Variants in WDFY3 observed in about 807,000 individuals in gnomAD.
WDFY3 encodes the protein WD repeat and FYVE domain containing 3.
WDFY3 carries 66 observed loss-of-function variants against 409.6 expected under a neutral mutation model. The observed-to-expected ratio is 0.16, with a 90% CI of 0.13 to 0.20. The LOEUF (loss-of-function observed/expected upper bound fraction) is 0.20, where lower values mean the gene tolerates loss of function less well. Ranked by LOEUF, WDFY3 falls within the 10% of genes least tolerant of loss-of-function variation. WDFY3 has a pLI of 1.00. For synonymous variants in WDFY3, 1,521 were observed against 1,537.1 expected (o/e 0.99, Z 0.25); for missense variants, 3,031 against 4,298.1 (o/e 0.71, Z 8.24).
At chr4:84,903,433 C>T (rs1409705483) in intron 2 of WDFY3, among the ~76,000 whole-genome samples, 4 of 152,184 alleles carry the variant, frequency 2.6e-5, no homozygotes, top group Non-Finnish European at 5.9e-5. Context: ...AGTCCTTCCA[C>T]TTCAGCCTCC....
At chr4:84,849,852 C>T in intron 5 of WDFY3, 50 bp downstream of exon 5, 1 of 1,599,608 alleles carries the variant, frequency 6.3e-7, no homozygotes, top group Non-Finnish European at 8.5e-7. Flanking sequence ...TTTTACAGAA[C>T]TGCTTGTTCA....
chr4:84,850,928 G>GCTTT (rs1758863108), intron 4 of WDFY3, among the ~76,000 whole-genome samples: 1 of 46,220 alleles, frequency 2.2e-5, no homozygotes, highest in Non-Finnish European at 3.9e-5. Context: ...TTATTTATCT[G>GCTTT]TTTTTTTTTT....
intron 67 of WDFY3, among the ~76,000 whole-genome samples, chr4:84,675,271 T>C (rs921320349): frequency 6.6e-6 from 1 of 151,860 alleles, no homozygotes; most frequent in Non-Finnish European, 1.5e-5. Context: ...ATAGGTTTTA[T>C]AGAGCAGGCC....
rs182120181 is a variant in WDFY3 at position 84,756,016 on chromosome 4, A to C, written c.5425-616T>G. Among the ~76,000 whole-genome samples, 41 of 152,318 alleles carry C rather than the reference A, an allele frequency of 2.7e-4. No homozygotes were observed. In the East Asian group the frequency reaches 7.9e-3, roughly 29 times the overall value. On this transcript the variant is annotated intron_variant, in intron 33 of 67. Transcript: ENST00000295888. ...TTGTCAACTACTAGAATTGATTTGA[A>C]TAGCATTTGGCATTAGGATGGAAGT...
At chr4:84,884,971 C>T (rs1216909210) in intron 3 of WDFY3, among the ~76,000 whole-genome samples, 2 of 152,134 alleles carry the variant, frequency 1.3e-5, no homozygotes, top group Non-Finnish European at 2.9e-5. Context: ...GTAAACTATA[C>T]AGCTAATAGA....
chr4:84,873,034 A>G (rs1380147205), intron 3 of WDFY3, among the ~76,000 whole-genome samples: 1 of 152,222 alleles, frequency 6.6e-6, no homozygotes, highest in East Asian at 1.9e-4. Context: ...AAAAATATGT[A>G]GGGCAAAAAC....
At chr4:84,874,871 G>C (rs1762561041) in intron 3 of WDFY3, among the ~76,000 whole-genome samples, 1 of 152,020 alleles carries the variant, frequency 6.6e-6, no homozygotes, top group African/African-American at 2.4e-5. Context: ...AAACCTAGAT[G>C]GTTTAGCCTA....
chr4:84,805,929 GT>G (rs1365860055), intron 15 of WDFY3, among the ~76,000 whole-genome samples: 5 of 152,124 alleles, frequency 3.3e-5, no homozygotes, highest in African/African-American at 4.8e-5. Context: ...AAGGTTTTGA[GT>G]TTTAGTTTTC....
At chr4:84,714,823 GC>G (rs1435646020) in intron 50 of WDFY3, among the ~76,000 whole-genome samples, 1 of 151,844 alleles carries the variant, frequency 6.6e-6, no homozygotes, top group Admixed American at 6.6e-5. Flanking sequence ...GGTGGCGGGT[GC>G]CTGCAGTTCC....
chr4:84,675,549 A>C (rs542668306), intron 67 of WDFY3, among the ~76,000 whole-genome samples: 3 of 152,346 alleles, frequency 2.0e-5, no homozygotes, highest in Admixed American at 1.3e-4. Flanking sequence ...AAGAAACCAA[A>C]GCTCAGAGAG....
intron 32 of WDFY3, among the ~76,000 whole-genome samples, chr4:84,763,853 C>G (rs1375855926): frequency 6.6e-6 from 1 of 152,116 alleles, no homozygotes; most frequent in Non-Finnish European, 1.5e-5. Flanking sequence ...TCAGGTAGGT[C>G]AGACACAGTG....
At chr4:84,707,236 T>C (rs1732121309) in intron 53 of WDFY3, among the ~76,000 whole-genome samples, 2 of 152,096 alleles carry the variant, frequency 1.3e-5, no homozygotes, top group Non-Finnish European at 2.9e-5. Flanking sequence ...GGTCACTGAA[T>C]GATTTTAAAC....
chr4:84,920,943 T>C (rs1310262856), intron 2 of WDFY3, among the ~76,000 whole-genome samples: 1 of 152,152 alleles, frequency 6.6e-6, no homozygotes, highest in Non-Finnish European at 1.5e-5. Flanking sequence ...CCTCCAGTCT[T>C]GGCCCTAAAT....
chr4:84,754,946 C>T (rs12511112), intron 34 of WDFY3, among the ~76,000 whole-genome samples: 63,440 of 151,714 alleles, frequency 0.42, 13,577 homozygotes, highest in East Asian at 0.5. Context: ...CTTATTAATT[C>T]CTCACAAATA....
At chr4:84,915,791 G>C (rs1055764217) in intron 2 of WDFY3, among the ~76,000 whole-genome samples, 2 of 152,142 alleles carry the variant, frequency 1.3e-5, no homozygotes, top group African/African-American at 2.4e-5. Context: ...TAAGTGTACA[G>C]ACCTCAATTA....
chr4:84,678,156 C>T lies in WDFY3; in HGVS notation c.10259+12G>A. On this transcript the variant is annotated intron_variant, in intron 66 of 67. Transcript: ENST00000295888. ...AGATGGGAAGCGGAGCTGGAAAAAGCCTGACACTTACTTGGAGATGCCCAA... is the reference window on the plus strand; with the variant it reads ...AGATGGGAAGCGGAGCTGGAAAAAGTCTGACACTTACTTGGAGATGCCCAA... 1 of 1,608,768 alleles carries T rather than the reference C, an allele frequency of 6.2e-7. No homozygotes were observed.
chr4:84,818,657 G>GTT (rs1232082661), intron 12 of WDFY3, among the ~76,000 whole-genome samples: 1 of 152,056 alleles, frequency 6.6e-6, no homozygotes, highest in African/African-American at 2.4e-5. Context: ...CTGAAGGCCT[G>GTT]TTTAGTTACC....
At chr4:84,797,128 T>C (rs1749591066) in intron 18 of WDFY3, among the ~76,000 whole-genome samples, 1 of 152,154 alleles carries the variant, frequency 6.6e-6, no homozygotes, top group Admixed American at 6.5e-5. Context: ...GAGGGAAAAG[T>C]AAACAATTTT....
chr4:84,825,028 C>T (rs1754646656), intron 10 of WDFY3, among the ~76,000 whole-genome samples: 1 of 152,080 alleles, frequency 6.6e-6, no homozygotes, highest in African/African-American at 2.4e-5. Flanking sequence ...TTCTAGATAG[C>T]CTTACTTTCA....
Sources: allele counts gnomAD v4.1 joint callset (sites outside exome capture counted in the v4.1 genomes callset), GRCh38; gene constraint gnomAD v4.1.1; transcripts MANE v1.5; gene names NCBI Gene and HGNC (gene_info 2026-07-23, HGNC 2026-07-21).